The following HIPK4 variants were observed in gnomAD, a reference collection of about 807,000 sequenced individuals.
HIPK4 encodes homeodomain interacting protein kinase 4.
Under a neutral mutation model 44.8 loss-of-function variants are expected in HIPK4, and 26 were observed. The ratio of observed to expected loss-of-function variants is 0.58; its 90% CI spans 0.43 to 0.80. The LOEUF (loss-of-function observed/expected upper bound fraction) is 0.80, where lower values mean the gene tolerates loss of function less well. Ranked by LOEUF, HIPK4 falls within the 30% of genes least tolerant of loss-of-function variation. HIPK4 has a pLI of 0.00. For synonymous variants in HIPK4, 340 were observed against 355.5 expected (o/e 0.96, Z 0.49); for missense variants, 729 against 862.6 (o/e 0.85, Z 1.94).
Position 40,389,521 on chromosome 19 carries a change from T to C in HIPK4, c.382A>G (p.Lys128Glu). ...TCAGCGTGGATGATAGCCAGCTCCT[T>C]GAGCCGGGCCAGGGCTGTGAGCACC... ...LQVLTALARL[K>E]ELAIIHADLK... Residue 128 changes from lysine to glutamate, a missense_variant, in exon 1 of 4, where the codon AAG (lysine) becomes GAG (glutamate). Lys to Glu is a moderately conservative substitution (Grantham distance 56). Transcript: ENST00000291823. This position sits in a 1 kb window ranked among gnomAD's most constrained non-coding sequence, Gnocchi z 4.6. 6.2e-7 allele frequency: 1 copy of C among 1,613,308 alleles called. No homozygotes were observed. The highest frequency in any genetic ancestry group is 8.5e-7 in the Non-Finnish European group (1 of 1,179,720).
rs75643482 is a variant in HIPK4 at position 40,382,442 on chromosome 19, G to A, written c.823-1274C>T. Among the ~76,000 whole-genome samples the A allele has an allele frequency of 2.6e-3, 396 of 152,222 alleles. 16 individuals carry two copies. The East Asian group carries it at 0.06, about 23-fold the overall frequency. Reference sequence around the variant, plus strand: ...CAATCTCAGACCTCATATATTCTCTGTGGTCTAATCCCTCTTGCCACACAA... The same window carrying A: ...CAATCTCAGACCTCATATATTCTCTATGGTCTAATCCCTCTTGCCACACAA... On this transcript the variant is annotated intron_variant, in intron 2 of 3. Coordinates refer to ENST00000291823, the MANE Select transcript of HIPK4 (RefSeq NM_144685.5).
At position 40,380,406 on chromosome 19, in the gene HIPK4, G is replaced by C; in HGVS notation, c.1585C>G (p.Leu529Val). ...RGSSWEEGEH[L>V]GASAEPLAIL... ...GCCAGTGGCTCAGCAGAGGCCCCGA[G>C]ATGCTCTCCTTCCTCCCAGCTGCTG... Residue 529 changes from leucine (L) to valine (V), a missense_variant, in exon 3 of 4, where the codon CTC becomes GTC. Physicochemically the swap from Leu to Val is conservative, Grantham distance 32. This residue lies in a region of HIPK4 where 533 missense variants were observed against 567.5 expected (regional missense o/e 0.94). Transcript: ENST00000291823. This position sits in a 1 kb window ranked among gnomAD's most constrained non-coding sequence, Gnocchi z 4.2. 6.2e-7 allele frequency: 1 copy of C among 1,614,244 alleles called. No homozygotes were observed. The highest frequency in any genetic ancestry group is 8.5e-7 in the Non-Finnish European group (1 of 1,180,044).
chr19:40,383,145 G>C (rs1179958003), intron 2 of HIPK4, among the ~76,000 whole-genome samples: 1 of 145,040 alleles, frequency 6.9e-6, no homozygotes. Flanking sequence ...TGCAGTGGTG[G>C]GATCTCGGCT....
chr19:40,380,616 C>T lies in HIPK4; in HGVS notation c.1375G>A (p.Ala459Thr), dbSNP rs757436239. The T allele has an allele frequency of 5.6e-6, 9 of 1,613,460 alleles. No homozygotes were observed. The South Asian group carries it at 9.9e-5, about 18-fold the overall frequency. The change falls in exon 3 of 4, where the codon GCA becomes ACA. Residue 459 changes from alanine to threonine, a missense_variant. This residue lies in a region of HIPK4 where 533 missense variants were observed against 567.5 expected (regional missense o/e 0.94). Transcript: ENST00000291823. This position sits in a 1 kb window ranked among gnomAD's most constrained non-coding sequence, Gnocchi z 4.2. ...GGCACATGGTGGCCAGTGATGGCTG[C>T]CTTGAGGGGGACCATCATGTCGGAG... ...AVSDMMVPLKAAITGHHVPDS... is the reference protein window; with the variant it reads ...AVSDMMVPLKTAITGHHVPDS...
rs1238342476 is a variant in HIPK4, at chr19:40,380,624, G to T, written c.1367C>A (p.Pro456His). The T allele has an allele frequency of 1.2e-6, 2 of 1,613,520 alleles. No individual in the cohort carries two copies. The highest frequency in any genetic ancestry group is 1.7e-6 in the Non-Finnish European group (2 of 1,179,964). Reference protein sequence around the residue: ...CTNAVSDMMVPLKAAITGHHV... With the variant: ...CTNAVSDMMVHLKAAITGHHV... ...GTGGCCAGTGATGGCTGCCTTGAGG[G>T]GGACCATCATGTCGGAGACCGCATT... Residue 456 changes from proline (P) to histidine (H), a missense_variant, in exon 3 of 4, where the codon CCC becomes CAC. By Grantham distance (77) the Pro-to-His change is moderately conservative. Coordinates refer to ENST00000291823, the MANE Select transcript of HIPK4 (RefSeq NM_144685.5). The surrounding 1 kb of genome is among the most constrained non-coding windows in gnomAD (Gnocchi z 4.2).
In HIPK4 at chr19:40,389,986, A is replaced by G; in HGVS notation, c.-84T>C. On this transcript the variant is annotated 5_prime_UTR_variant, in exon 1 of 4. Transcript: ENST00000291823. This position sits in a 1 kb window ranked among gnomAD's most constrained non-coding sequence, Gnocchi z 4.6. Reference sequence around the variant, plus strand: ...CCAGGCCTCCCGCCTGGCTGCTGACACAGCAGGCCCCCCAGTGGGGGAAAG... The same window carrying G: ...CCAGGCCTCCCGCCTGGCTGCTGACGCAGCAGGCCCCCCAGTGGGGGAAAG... 9.5e-7 allele frequency: 1 copy of G among 1,055,986 alleles called. No individual in the cohort carries two copies. The allele number at this position is 1,055,986 out of a possible 1,614,324, so 65.4% of individuals were successfully genotyped here.
intron 1 of HIPK4, among the ~76,000 whole-genome samples, chr19:40,388,078 G>A (rs995814297): frequency 6.0e-5 from 9 of 149,260 alleles, no homozygotes; most frequent in Non-Finnish European, 1.2e-4. Context: ...GTGCAGTGGC[G>A]TAATCTCAGC....
chr19:40,383,244 A>G (rs2079346592), intron 2 of HIPK4, among the ~76,000 whole-genome samples: 1 of 151,186 alleles, frequency 6.6e-6, no homozygotes, highest in South Asian at 2.1e-4. Context: ...CACTGCGCCC[A>G]GCTAATTTTT....
chr19:40,381,183 A>G lies in HIPK4; in HGVS notation c.823-15T>C, dbSNP rs747107753. On this transcript the variant is annotated splice_polypyrimidine_tract_variant and intron_variant, in intron 2 of 3. Transcript: ENST00000291823. Reference sequence around the variant, plus strand: ...AATGGGCGCACCTGGCGGGGCATGGAGAAGGGGGCAGGGTTGACCATTGTG... The same window carrying G: ...AATGGGCGCACCTGGCGGGGCATGGGGAAGGGGGCAGGGTTGACCATTGTG... 3.8e-6 allele frequency: 6 copies of G among 1,581,502 alleles called. No individual in the cohort carries two copies. Among genetic ancestry groups the G allele is most frequent in the Non-Finnish European group, 5.1e-6 (6 of 1,167,572 alleles).
In HIPK4 at chr19:40,390,024, G is replaced by C. The variant is rs756934202; in HGVS notation, c.-122C>G. 1 of 710,480 alleles carries C rather than the reference G, an allele frequency of 1.4e-6. No homozygotes were observed. The highest frequency in any genetic ancestry group is 1.8e-5 in the South Asian group (1 of 55,044). The allele number at this position is 710,480 out of a possible 1,614,324, so 44.0% of individuals were successfully genotyped here. A position where few individuals can be genotyped will look rare whatever the true frequency, so the allele number is the denominator to read the frequency against. ...CAGTGGGGGAAAGAGAACCGCACTC[G>C]TGTCTCCTCCTATGAGGTTGGCCCC... On this transcript the variant is annotated 5_prime_UTR_variant, in exon 1 of 4. Coordinates refer to ENST00000291823, the MANE Select transcript of HIPK4 (RefSeq NM_144685.5).
chr19:40,380,525 C>A lies in HIPK4; in HGVS notation c.1466G>T (p.Arg489Leu), dbSNP rs771162709. Residue 489 changes from arginine (R) to leucine (L), a missense_variant, in exon 3 of 4, where the codon CGC (arginine) becomes CTC (leucine). Physicochemically the swap from Arg to Leu is moderately radical, Grantham distance 102 (BLOSUM62 -2). Transcript: ENST00000291823. This position sits in a 1 kb window ranked among gnomAD's most constrained non-coding sequence, Gnocchi z 4.2. ...GGACTTGGAACCCGCAGGTGGCTTG[C>A]GGGCCTTGTGGCGGCCTGCCAGGCG... is the stretch of plus-strand genomic sequence containing the variant. ...SSRLAGRHKA[R>L]KPPAGSKSDS... 3.7e-6 allele frequency: 6 copies of A among 1,612,060 alleles called. No homozygotes were observed. In the East Asian group the frequency reaches 1.3e-4, roughly 36 times the overall value.
chr19:40,379,676 C>G lies in HIPK4; in HGVS notation c.1762G>C (p.Ala588Pro). Residue 588 changes from alanine to proline, a missense_variant, in exon 4 of 4, where the codon GCT (alanine) becomes CCT (proline). Coordinates refer to ENST00000291823, the MANE Select transcript of HIPK4 (RefSeq NM_144685.5). ...GAGCGGCGGGGTGGGAGCCCCTGAG[C>G]CCGTGGGCCCCTGACGCTCTCCAGG... ...CTLESVRGPR[A>P]QGLPPRRSHQ... 1 of 1,566,258 alleles carries G rather than the reference C, an allele frequency of 6.4e-7. No homozygotes were observed. Among genetic ancestry groups the G allele is most frequent in the African/African-American group, 1.4e-5 (1 of 73,566 alleles).
At position 40,381,760 on chromosome 19, in the gene HIPK4, C is replaced by T. The variant is rs76635336; in HGVS notation, c.823-592G>A. 7.7e-3 allele frequency among the ~76,000 whole-genome samples: 1,136 copies of T among 147,624 alleles called. 8 individuals carry two copies. The highest frequency in any genetic ancestry group is 0.012 in the Non-Finnish European group (776 of 67,236). ...CTGGCTGCTGCCCCAAACCTCTAGA[C>T]TCACCTGAGGTCTCACTCAGATCCT... On this transcript the variant is annotated intron_variant, in intron 2 of 3. Coordinates refer to ENST00000291823, the MANE Select transcript of HIPK4 (RefSeq NM_144685.5).
At chr19:40,381,459 A>G (rs1225254004) in intron 2 of HIPK4, among the ~76,000 whole-genome samples, 1 of 152,184 alleles carries the variant, frequency 6.6e-6, no homozygotes. Context: ...CGGAATCTCT[A>G]GTCCTCCCTG....
chr19:40,387,347 G>A (rs1220197798), intron 1 of HIPK4, among the ~76,000 whole-genome samples: 1 of 152,094 alleles, frequency 6.6e-6, no homozygotes, highest in Non-Finnish European at 1.5e-5. Context: ...TTTGACACAT[G>A]ACAGGTGCTT....
At chr19:40,381,810 T>G (rs927009057) in intron 2 of HIPK4, among the ~76,000 whole-genome samples, 1 of 142,108 alleles carries the variant, frequency 7.0e-6, no homozygotes, top group Non-Finnish European at 1.5e-5. Context: ...TTTTTTTTTT[T>G]TTGTATGTGT....
At position 40,389,869 on chromosome 19, in the gene HIPK4, C is replaced by T. The variant is rs1364058769; in HGVS notation, c.34G>A (p.Asp12Asn). The T allele has an allele frequency of 7.4e-6, 12 of 1,611,534 alleles. No homozygotes were observed. The highest frequency in any genetic ancestry group is 4.5e-5 in the East Asian group (2 of 44,898). Residue 12 changes from aspartate (D) to asparagine (N), a missense_variant, in exon 1 of 4, where the codon GAC becomes AAC. Asp to Asn is a conservative substitution (Grantham distance 23). Around this residue, in one of 2 missense-constraint regions of HIPK4, gnomAD observed 196 missense variants for 295.1 expected, o/e 0.66. Transcript: ENST00000291823. This position sits in a 1 kb window ranked among gnomAD's most constrained non-coding sequence, Gnocchi z 4.6. ...STIQSETDCY[D>N]IIEVLGKGTF... ...CCCTTGCCCAAGACCTCGATGATGT[C>T]GTAGCAGTCAGTCTCCGACTGGATG...
intron 1 of HIPK4, among the ~76,000 whole-genome samples, chr19:40,385,927 C>T (rs1485523027): frequency 2.0e-5 from 3 of 151,692 alleles, no homozygotes; most frequent in Non-Finnish European, 4.4e-5. Flanking sequence ...AGGCTGGTCT[C>T]GAACTCCTGA....
chr19:40,380,892 G>A lies in HIPK4; in HGVS notation c.1099C>T (p.Arg367Cys), dbSNP rs773268904. Residue 367 changes from arginine (R) to cysteine (C), a missense_variant, in exon 3 of 4, where the codon CGC becomes TGC. Physicochemically the swap from Arg to Cys is radical, Grantham distance 180 (BLOSUM62 -3). Transcript: ENST00000291823. This position sits in a 1 kb window ranked among gnomAD's most constrained non-coding sequence, Gnocchi z 4.2. ...ETTHYYQLSL[R>C]SYRLSLQVEG... ...ACTTGCAGCGAGAGGCGGTAGCTGC[G>A]CAGCGAGAGCTGGTAGTAGTGGGTG... 20 of 1,606,172 alleles carry A rather than the reference G, an allele frequency of 1.2e-5. No homozygotes were observed. The highest frequency in any genetic ancestry group is 3.3e-5 in the South Asian group (3 of 90,976).
Sources: allele counts gnomAD v4.1 joint callset (sites outside exome capture counted in the v4.1 genomes callset), GRCh38; gene constraint gnomAD v4.1.1; regional missense constraint gnomAD v4.1.1; non-coding constraint Gnocchi (gnomAD v3.1); transcripts MANE v1.5; gene names NCBI Gene and HGNC (gene_info 2026-07-23, HGNC 2026-07-21).